The following SRSF11 variants were observed in gnomAD, a reference collection of about 807,000 sequenced individuals.
SRSF11 encodes the protein serine/arginine-rich splicing factor 11.
SRSF11 carries 9 observed loss-of-function variants against 56.0 expected under a neutral mutation model. That is an observed-to-expected ratio of 0.16 (90% CI 0.10 to 0.28). SRSF11 has a LOEUF of 0.28. SRSF11 is among the 10% of genes least tolerant of loss of function. The pLI, the probability that SRSF11 is intolerant of heterozygous loss-of-function variation, is 1.00. For missense variants in SRSF11, 421 were observed against 600.7 expected (o/e 0.70, Z 3.13); for synonymous variants, 222 against 215.3 (o/e 1.03, Z -0.27).
At chr1:70,243,441 A>G (rs908350378) in intron 7 of SRSF11, among the ~76,000 whole-genome samples, 1 of 150,508 alleles carries the variant, frequency 6.6e-6, no homozygotes, top group African/African-American at 2.4e-5. Flanking sequence ...GTGTGCCTAC[A>G]CTAAGGCACC....
chr1:70,210,433 C>G (rs112094769), intron 1 of SRSF11, among the ~76,000 whole-genome samples: 208 of 152,264 alleles, frequency 1.4e-3, no homozygotes, highest in Non-Finnish European at 2.3e-3. Context: ...CTGGGATTGG[C>G]CAGGTACGGT....
intron 2 of SRSF11, chr1:70,230,824 C>T (rs982471671): frequency 8.5e-7 from 1 of 1,171,592 alleles, no homozygotes; most frequent in Non-Finnish European, 1.1e-6. Flanking sequence ...TGAATATATC[C>T]TCTTGAGACA....
upstream of SRSF11, among the ~76,000 whole-genome samples, chr1:70,219,359 A>G (rs1441075953): frequency 1.3e-5 from 2 of 152,230 alleles, no homozygotes; most frequent in African/African-American, 4.8e-5. Context: ...GTAAAATAGG[A>G]TAGCGTTTGT....
chr1:70,251,998 C>CTTA lies in SRSF11; in HGVS notation c.*1195_*1197dup, dbSNP rs560980590. 2.9e-4 allele frequency: 44 copies of CTTA among 152,690 alleles called. No homozygotes were observed. The highest frequency in any genetic ancestry group is 1.0e-3 in the African/African-American group (43 of 41,570). The allele number at this position is 152,690 out of a possible 1,614,324, so 9.5% of individuals were successfully genotyped here. A position where few individuals can be genotyped will look rare whatever the true frequency, so the allele number is the denominator to read the frequency against. ...AGACTTTGATAATAAAACCCTTAAA[C>CTTA]TTATGTTCATGTTCCTGTAAAACCG... On this transcript the variant is annotated 3_prime_UTR_variant, in exon 12 of 12. Coordinates refer to ENST00000370949, the MANE Select transcript of SRSF11 (RefSeq NM_001350605.2).
chr1:70,243,642 A>T (rs1454698528), intron 7 of SRSF11, among the ~76,000 whole-genome samples: 1 of 152,248 alleles, frequency 6.6e-6, no homozygotes, highest in Non-Finnish European at 1.5e-5. Context: ...AAAGAAAAGT[A>T]GGCAGAAAAT....
rs184312948 is a variant in SRSF11 at position 70,250,228 on chromosome 1, T to C, written c.1119-137T>C. On this transcript the variant is annotated intron_variant, in intron 10 of 11. Transcript: ENST00000370949. ...GAACATTTTAGTCCTATAAACAAGT[T>C]AGTTTTGTAGCCTGTGTTACTTCTC... 1.0e-4 allele frequency: 144 copies of C among 1,410,758 alleles called. 1 individual carries two copies. In the African/African-American group the frequency reaches 1.8e-3, roughly 18 times the overall value. The allele number at this position is 1,410,758 out of a possible 1,614,324, so 87.4% of individuals were successfully genotyped here.
intron 4 of SRSF11, 49 bp from the exon 5 acceptor site, chr1:70,235,452 C>A: frequency 2.1e-6 from 3 of 1,460,978 alleles, no homozygotes; most frequent in South Asian, 1.2e-5. Context: ...AAATATCGGT[C>A]ATTTATTGTT....
In SRSF11 at chr1:70,232,335, G is replaced by T. The variant is rs1249030597; in HGVS notation, c.405G>T (p.Leu135=). ...CAGCTAATGCAGTGGCAGGTCTTCT[G>T]CCTGGTGGTGGACTCCTGCCTACTC... ...LAPANAVAGL[L]PGGGLLPTPN... is the part of the protein sequence containing the mutation. The change falls in exon 3 of 12, where the codon CTG becomes CTT. Residue 135 remains leucine (L), a synonymous_variant. Transcript: ENST00000370949. 1 of 1,614,140 alleles carries T rather than the reference G, an allele frequency of 6.2e-7. No individual in the cohort carries two copies. Among genetic ancestry groups the T allele is most frequent in the Admixed American group, 1.7e-5 (1 of 60,028 alleles).
intron 1 of SRSF11, chr1:70,222,905 A>G (rs1348273111): frequency 1.3e-5 from 2 of 152,222 alleles, no homozygotes; most frequent in Non-Finnish European, 2.9e-5. Flanking sequence ...CACTTAAAAT[A>G]CTTTCACAAG....
intron 2 of SRSF11, chr1:70,230,694 C>A: frequency 8.2e-7 from 1 of 1,217,830 alleles, no homozygotes; most frequent in Non-Finnish European, 1.0e-6. Context: ...GGATCAGATG[C>A]ATGACTTTTT....
intron 1 of SRSF11, among the ~76,000 whole-genome samples, chr1:70,225,755 C>CA (rs1319304554): frequency 6.6e-6 from 1 of 152,130 alleles, no homozygotes; most frequent in Non-Finnish European, 1.5e-5. Context: ...ACAGAAGTGG[C>CA]ATGCAGGACT....
intron 2 of SRSF11, chr1:70,229,962 T>G: frequency 1.0e-6 from 1 of 985,340 alleles, no homozygotes; most frequent in Non-Finnish European, 1.2e-6. Context: ...GTGCCTGTTG[T>G]AGGATAAGAC....
At chr1:70,234,287 A>T (rs1384517501) in intron 3 of SRSF11, among the ~76,000 whole-genome samples, 1 of 152,242 alleles carries the variant, frequency 6.6e-6, no homozygotes, top group Non-Finnish European at 1.5e-5. Context: ...TGCCTCCGGT[A>T]GCACAAAACA....
Position 70,221,517 on chromosome 1 carries a change from C to T in SRSF11, c.-120C>T, listed in dbSNP as rs1670611219. 7.5e-7 allele frequency: 1 copy of T among 1,340,488 alleles called. No individual in the cohort carries two copies. Among genetic ancestry groups the T allele is most frequent in the Non-Finnish European group, 1.0e-6 (1 of 990,042 alleles). The allele number at this position is 1,340,488 out of a possible 1,614,324, so 83.0% of individuals were successfully genotyped here. A position where few individuals can be genotyped will look rare whatever the true frequency, so the allele number is the denominator to read the frequency against. On this transcript the variant is annotated 5_prime_UTR_variant, in exon 1 of 12. Transcript: ENST00000370949. Reference sequence around the variant, plus strand: ...GCGGCGGCGGCATCGGCAGCAGTAGCAGAGGCTGTAGCATCGGACACCCTC... The same window carrying T: ...GCGGCGGCGGCATCGGCAGCAGTAGTAGAGGCTGTAGCATCGGACACCCTC...
At chr1:70,239,606 T>C in intron 7 of SRSF11, 86 bp downstream of exon 7, 1 of 1,022,630 alleles carries the variant, frequency 9.8e-7, no homozygotes, top group Non-Finnish European at 1.4e-6. Flanking sequence ...TAATCTGTTA[T>C]CCTCTGGTTA....
chr1:70,239,865 TAGATC>T (rs1674938401), intron 7 of SRSF11, among the ~76,000 whole-genome samples: 1 of 152,218 alleles, frequency 6.6e-6, no homozygotes, highest in Admixed American at 6.5e-5. Context: ...AATATCACCT[TAGATC>T]AGATCAGTAA....
intron 1 of SRSF11, 46 bp downstream of exon 1, chr1:70,221,885 C>T (rs749592816): frequency 1.2e-5 from 20 of 1,608,918 alleles, no homozygotes; most frequent in Non-Finnish European, 1.7e-5. Flanking sequence ...CCGCCTCAGC[C>T]TGGGCCTAAC....
In SRSF11 at chr1:70,252,228, T is replaced by G. The variant is rs1341245727; in HGVS notation, c.*1423T>G. ...AGCTTAGTATCATTTTATTGCTTAT[T>G]TTTTGTGTGGGAATGGGGTTGGATA... is the stretch of plus-strand genomic sequence containing the variant. On this transcript the variant is annotated 3_prime_UTR_variant, in exon 12 of 12. Coordinates refer to ENST00000370949, the MANE Select transcript of SRSF11 (RefSeq NM_001350605.2). The G allele has an allele frequency of 1.3e-5, 2 of 152,164 alleles. No homozygotes were observed. Among genetic ancestry groups the G allele is most frequent in the Non-Finnish European group, 2.9e-5 (2 of 68,002 alleles). 9.4% of individuals were successfully genotyped at this position (152,164 alleles called of 1,614,324 possible).
In SRSF11 at chr1:70,244,773, C is replaced by G; in HGVS notation, c.890C>G (p.Ser297Cys). 1 of 1,614,040 alleles carries G rather than the reference C, an allele frequency of 6.2e-7. No homozygotes were observed. Among genetic ancestry groups the G allele is most frequent in the Non-Finnish European group, 8.5e-7 (1 of 1,180,000 alleles). ...AGCCCAAGGCGGAGAAGATCTCATT[C>G]CAGAGAAAGAGGTAGAAGGTCAAGG... Reference protein sequence around the residue: ...SKSPRRRRSHSRERGRRSRST... With the variant: ...SKSPRRRRSHCRERGRRSRST... The change falls in exon 8 of 12, where the codon TCC becomes TGC. Residue 297 changes from serine (S) to cysteine (C), a missense_variant. Coordinates refer to ENST00000370949, the MANE Select transcript of SRSF11 (RefSeq NM_001350605.2).
Sources: allele counts gnomAD v4.1 joint callset (sites outside exome capture counted in the v4.1 genomes callset), GRCh38; gene constraint gnomAD v4.1.1; transcripts MANE v1.5; gene names NCBI Gene and HGNC (gene_info 2026-07-23, HGNC 2026-07-21).